The following CDH3 variants were observed in gnomAD, a reference collection of about 807,000 sequenced individuals.
CDH3 encodes cadherin 3.
A neutral mutation model predicts 82.0 loss-of-function variants in CDH3; 54 were observed. The observed-to-expected ratio is 0.66, with a 90% CI of 0.53 to 0.83. The LOEUF is 0.83. Among genes scored for constraint, CDH3 ranks in the 40% least tolerant of loss-of-function variants. The pLI, the probability that CDH3 is intolerant of heterozygous loss-of-function variation, is 0.00. For missense variants in CDH3, 1,054 were observed against 1,084.6 expected, an observed-to-expected ratio of 0.97 and a Z score of 0.40; for synonymous variants, 446 against 437.9, an observed-to-expected ratio of 1.02 and a Z score of -0.23.
downstream of CDH3, among the ~76,000 whole-genome samples, chr16:68,728,677 G>A (rs1962251952): frequency 6.6e-6 from 1 of 152,162 alleles, no homozygotes; most frequent in Non-Finnish European, 1.5e-5. Flanking sequence ...TGGCACATGG[G>A]AGTGGTTAAT....
chr16:68,709,756 T>C (rs2152109834), intron 1 of CDH3, among the ~76,000 whole-genome samples: 1 of 152,166 alleles, frequency 6.6e-6, no homozygotes, highest in South Asian at 2.1e-4. Flanking sequence ...CCTTTTTCTG[T>C]CTCCTTCATT....
At chr16:68,722,537 A>C (rs1322080485) in exon 2 of CDH3, 1 of 152,296 alleles carries the variant, frequency 6.6e-6, no homozygotes, top group Non-Finnish European at 1.5e-5. Context: ...GGCAAGACCA[A>C]GACACAGCCC....
chr16:68,645,751 G>A lies in CDH3; in HGVS notation c.160+1G>A, dbSNP rs1474181679. The A allele has an allele frequency of 2.5e-5, 39 of 1,542,684 alleles. No homozygotes were observed. The highest frequency in any genetic ancestry group is 3.9e-5 in the Admixed American group (2 of 50,928). On this transcript the variant is annotated splice_donor_variant, in intron 2 of 15. Transcript: ENST00000264012. LOFTEE classifies it high-confidence loss of function. ...GAGCCCGGCCAGGCGCTGGGGAAAG[G>A]TAAGATCCTCAGGGTGGAACCGCAG...
chr16:68,692,838 C>T (rs1278799067), intron 13 of CDH3, among the ~76,000 whole-genome samples: 1 of 152,226 alleles, frequency 6.6e-6, no homozygotes, highest in African/African-American at 2.4e-5. Flanking sequence ...GGCGCAGTGG[C>T]TCACACTTGT....
chr16:68,666,193 C>CA (rs1960728995), intron 2 of CDH3, among the ~76,000 whole-genome samples: 1 of 151,760 alleles, frequency 6.6e-6, no homozygotes, highest in African/African-American at 2.4e-5. Flanking sequence ...AGAAGGGCTG[C>CA]AAGCTGAGGC....
At chr16:68,670,635 A>T (rs187909106) in intron 2 of CDH3, among the ~76,000 whole-genome samples, 149 of 152,316 alleles carry the variant, frequency 9.8e-4, no homozygotes, top group Middle Eastern at 3.4e-3. Context: ...GTTACTCATG[A>T]TGGTTCTGTG....
downstream of CDH3, among the ~76,000 whole-genome samples, chr16:68,700,627 G>A (rs1306396314): frequency 2.6e-5 from 4 of 152,178 alleles, no homozygotes; most frequent in South Asian, 4.1e-4. Flanking sequence ...TGATCCGCCC[G>A]CCTCGGCCTC....
At chr16:68,693,518 G>A (rs534466635) in intron 13 of CDH3, among the ~76,000 whole-genome samples, 23 of 152,174 alleles carry the variant, frequency 1.5e-4, no homozygotes, top group African/African-American at 3.9e-4. Flanking sequence ...TCCATTTGCC[G>A]TTTTGGGAAG....
chr16:68,645,639 T>C lies in CDH3; in HGVS notation c.49T>C (p.Cys17Arg). 6.5e-7 allele frequency: 1 copy of C among 1,541,882 alleles called. No individual in the cohort carries two copies. The highest frequency in any genetic ancestry group is 8.7e-7 in the Non-Finnish European group (1 of 1,146,498). ...PLASLLLLQV[C>R]WLQCAASEPC... ...CACTCTCTGCCCTCGGGCGCAGGTT[T>C]GCTGGCTGCAGTGCGCGGCCTCCGA... The change falls in exon 2 of 16, where the codon TGC (cysteine) becomes CGC (arginine). Residue 17 changes from cysteine (C) to arginine (R), a missense_variant. Transcript: ENST00000264012.
intron 1 of CDH3, among the ~76,000 whole-genome samples, chr16:68,716,620 C>CAAAAAAAA (rs563385107): frequency 3.9e-5 from 4 of 103,146 alleles, no homozygotes; most frequent in Non-Finnish European, 5.4e-5. Context: ...GACTCCGGCT[C>CAAAAAAAA]AAAAAAAAAA....
intron 2 of CDH3, among the ~76,000 whole-genome samples, chr16:68,648,550 C>G (rs1960147105): frequency 6.6e-6 from 1 of 151,940 alleles, no homozygotes; most frequent in South Asian, 2.1e-4. Context: ...CTCCTGGGCT[C>G]TAGTGATCCT....
Position 68,645,672 on chromosome 16 carries a change from C to G in CDH3, c.82C>G (p.Arg28Gly), listed in dbSNP as rs1472081668. The change falls in exon 2 of 16, where the codon CGG (arginine) becomes GGG (glycine). Residue 28 changes from arginine (R) to glycine (G), a missense_variant. By Grantham distance (125) the Arg-to-Gly change is moderately radical (BLOSUM62 -2). Coordinates refer to ENST00000264012, the MANE Select transcript of CDH3 (RefSeq NM_001793.6). ...GCAGTGCGCGGCCTCCGAGCCGTGC[C>G]GGGCGGTCTTCAGGGAGGCTGAAGT... The part of the protein sequence containing the change: ...WLQCAASEPC[R>G]AVFREAEVTL... 1.3e-6 allele frequency: 2 copies of G among 1,544,726 alleles called. No individual in the cohort carries two copies. The highest frequency in any genetic ancestry group is 1.7e-6 in the Non-Finnish European group (2 of 1,146,654).
intron 2 of CDH3, among the ~76,000 whole-genome samples, chr16:68,659,757 T>C (rs980758377): frequency 6.7e-6 from 1 of 149,576 alleles, no homozygotes; most frequent in African/African-American, 2.4e-5. Flanking sequence ...TCTACTCTCT[T>C]AAGGGCAAGC....
chr16:68,659,075 T>C (rs1567439441), intron 2 of CDH3, among the ~76,000 whole-genome samples: 2 of 152,198 alleles, frequency 1.3e-5, no homozygotes, highest in Admixed American at 6.5e-5. Flanking sequence ...ATGCATCAGC[T>C]CATTTAATCC....
At chr16:68,689,294 G>A (rs1230349313) in intron 12 of CDH3, among the ~76,000 whole-genome samples, 1 of 152,130 alleles carries the variant, frequency 6.6e-6, no homozygotes, top group Non-Finnish European at 1.5e-5. Context: ...AGCACTTTAG[G>A]AGGCTGAGGT....
At chr16:68,658,010 C>T (rs1172834277) in intron 2 of CDH3, among the ~76,000 whole-genome samples, 1 of 151,886 alleles carries the variant, frequency 6.6e-6, no homozygotes, top group African/African-American at 2.4e-5. Context: ...AAGTCTCCTC[C>T]TTCAAATTTG....
In CDH3 at chr16:68,710,807, T is replaced by G. The variant is rs557961502; in HGVS notation, c.100-11618T>G. Among the ~76,000 whole-genome samples the G allele has an allele frequency of 9.4e-5, 14 of 148,232 alleles. No homozygotes were observed. In the East Asian group the frequency reaches 2.4e-3, roughly 26 times the overall value. The stretch of plus-strand genomic sequence containing the variant: ...TTGCAGTGAGCCGAGATTGAGTGAC[T>G]GCACTCCAGCCTGGGCGACAGAGCG... On this transcript the variant is annotated intron_variant, in intron 1 of 2. Transcript: ENST00000569080.
intron 4 of CDH3, 41 bp downstream of exon 4, chr16:68,678,318 G>GT (rs1961094390): frequency 6.2e-7 from 1 of 1,611,620 alleles, no homozygotes; most frequent in South Asian, 1.1e-5. Flanking sequence ...GGTGGCTCCA[G>GT]GGACCCCCAT....
chr16:68,660,820 G>A (rs1296156332), intron 2 of CDH3, among the ~76,000 whole-genome samples: 4 of 152,208 alleles, frequency 2.6e-5, no homozygotes, highest in South Asian at 2.1e-4. Flanking sequence ...TTAGCCGGGC[G>A]TAGTGGCAGG....
Sources: gnomAD v4.1 joint callset for allele counts (sites outside exome capture counted in the v4.1 genomes callset) on GRCh38, gnomAD v4.1.1 for gene constraint, MANE v1.5 for transcripts, NCBI Gene and HGNC (gene_info 2026-07-23, HGNC 2026-07-21) for gene names.